GALNT9: variants seen among roughly 807,000 people sequenced by gnomAD.
GALNT9 encodes GalNAc transferase 9.
Under a neutral mutation model 63.1 loss-of-function variants are expected in GALNT9, and 47 were observed. The ratio of observed to expected loss-of-function variants is 0.75; its 90% CI spans 0.59 to 0.95. GALNT9 has a LOEUF of 0.95. Among genes scored for constraint, GALNT9 ranks in the 40% least tolerant of loss-of-function variants. The pLI is 0.00. For synonymous variants in GALNT9, 396 were observed against 365.7 expected (o/e 1.08, Z -0.94); for missense variants, 829 against 874.8 (o/e 0.95, Z 0.66).
chr12:132,306,622 G>T (rs1881624780), intron 1 of GALNT9, among the ~76,000 whole-genome samples: 1 of 152,182 alleles, frequency 6.6e-6, no homozygotes, highest in Non-Finnish European at 1.5e-5. Context: ...AGTGCCATGG[G>T]GCACCCACTT....
intron 1 of GALNT9, among the ~76,000 whole-genome samples, chr12:132,287,486 G>A (rs1159662946): frequency 6.6e-6 from 1 of 152,152 alleles, no homozygotes; most frequent in Non-Finnish European, 1.5e-5. Context: ...TCTGGGGTAG[G>A]AAGAACCGAG....
At chr12:132,275,468 G>C (rs149921737) in intron 2 of GALNT9, 1 of 152,286 alleles carries the variant, frequency 6.6e-6, no homozygotes, top group Non-Finnish European at 1.5e-5. Flanking sequence ...AGAGGAGCAC[G>C]GAGAGCTGGC....
chr12:132,251,700 G>A (rs1370948357), intron 5 of GALNT9, among the ~76,000 whole-genome samples: 1 of 152,176 alleles, frequency 6.6e-6, no homozygotes, highest in Non-Finnish European at 1.5e-5. Context: ...AAGCTGGAGG[G>A]CCCTGGGGAA....
rs1290119989 is a variant in GALNT9 at position 132,296,851 on chromosome 12, G to T, written c.239-10421C>A. Among the ~76,000 whole-genome samples the T allele has an allele frequency of 6.6e-6, 1 of 151,858 alleles. No individual in the cohort carries two copies. On this transcript the variant is annotated intron_variant, in intron 1 of 10. Coordinates refer to ENST00000328957, the MANE Select transcript of GALNT9 (RefSeq NM_001122636.2). The surrounding 1 kb of genome is among the most constrained non-coding windows in gnomAD (Gnocchi z 4.2). ...ACGCATTGGGGGCTGGGCGGGGGGA[G>T]GGTGGAACTCTTCCTTCCATCAGGA...
At chr12:132,221,889 A>G (rs932557259) in intron 6 of GALNT9, among the ~76,000 whole-genome samples, 4 of 152,150 alleles carry the variant, frequency 2.6e-5, no homozygotes, top group African/African-American at 9.7e-5. Context: ...TCAGGTTCAC[A>G]TGGGAGAGTA....
rs146767097 is a variant in GALNT9 at position 132,248,280 on chromosome 12, C to A, written c.960-253G>T. On this transcript the variant is annotated intron_variant, in intron 5 of 10. Transcript: ENST00000328957. ...TGCTGAATGCCAACAGATGACAGAA[C>A]CCGCATTCAATTCAGCTTAGTGTAG... is the stretch of plus-strand genomic sequence containing the variant. 2.0e-3 allele frequency among the ~76,000 whole-genome samples: 304 copies of A among 152,342 alleles called. 1 individual carries two copies. The highest frequency in any genetic ancestry group is 5.9e-3 in the African/African-American group (244 of 41,566).
intron 5 of GALNT9, among the ~76,000 whole-genome samples, chr12:132,251,143 C>T (rs1290480378): frequency 6.6e-6 from 1 of 151,826 alleles, no homozygotes; most frequent in Non-Finnish European, 1.5e-5. Context: ...TGCAGATGTG[C>T]GAGCCACAAA....
At chr12:132,197,466 C>A (rs867348852) in intron 10 of GALNT9, among the ~76,000 whole-genome samples, 1 of 148,792 alleles carries the variant, frequency 6.7e-6, no homozygotes, top group Non-Finnish European at 1.5e-5. Context: ...GCAGGGCTAG[C>A]GGCCCAGGTT....
rs1030590162 is a variant in GALNT9, at chr12:132,327,970, A to C, written c.238+996T>G. 6.6e-6 allele frequency among the ~76,000 whole-genome samples: 1 copy of C among 151,734 alleles called. No homozygotes were observed. Among genetic ancestry groups the C allele is most frequent in the African/African-American group, 2.4e-5 (1 of 41,294 alleles). On this transcript the variant is annotated intron_variant, in intron 1 of 10. Transcript: ENST00000328957. The surrounding 1 kb of genome is among the most constrained non-coding windows in gnomAD (Gnocchi z 4.3). ...CCCAGCTCCCGTCACCTCCCACTCG[A>C]GCCTGTTACGGATGCTTTCTGGAGG...
chr12:132,308,313 A>G (rs1284424743), intron 1 of GALNT9, among the ~76,000 whole-genome samples: 2 of 152,226 alleles, frequency 1.3e-5, no homozygotes, highest in Non-Finnish European at 2.9e-5. Flanking sequence ...GTGTCATTTT[A>G]GGCTGCCCCG....
rs1878706782 is a variant in GALNT9 at position 132,246,348 on chromosome 12, A to G, written c.1077+1562T>C. On this transcript the variant is annotated intron_variant, in intron 6 of 10. Transcript: ENST00000328957. The surrounding 1 kb of genome is among the most constrained non-coding windows in gnomAD (Gnocchi z 4.7). ...GACATCCTTCACAGATCTGGTCTCA[A>G]TTCAATTTATTAAACTAGATATTTT... Among the ~76,000 whole-genome samples the G allele has an allele frequency of 6.6e-6, 1 of 152,216 alleles. No individual in the cohort carries two copies. The highest frequency in any genetic ancestry group is 6.5e-5 in the Admixed American group (1 of 15,280).
chr12:132,264,469 G>T (rs2135546519), intron 2 of GALNT9, among the ~76,000 whole-genome samples: 1 of 152,372 alleles, frequency 6.6e-6, no homozygotes, highest in Admixed American at 6.5e-5. Context: ...GTCAAAACTT[G>T]TCAGTGGGAC....
At chr12:132,203,188 G>A (rs758802992) in intron 7 of GALNT9, among the ~76,000 whole-genome samples, 4 of 152,300 alleles carry the variant, frequency 2.6e-5, no homozygotes, top group African/African-American at 4.8e-5. Context: ...CTGAGGCGGC[G>A]GCACCAGGTT....
intron 1 of GALNT9, among the ~76,000 whole-genome samples, chr12:132,308,921 C>T (rs1472906291): frequency 6.6e-6 from 1 of 152,136 alleles, no homozygotes; most frequent in Admixed American, 6.5e-5. Context: ...TCGGGATGGC[C>T]GCACTGTGAC....
intron 1 of GALNT9, among the ~76,000 whole-genome samples, chr12:132,294,123 T>C (rs1880962281): frequency 6.6e-6 from 1 of 152,238 alleles, no homozygotes; most frequent in African/African-American, 2.4e-5. Context: ...GTGACCACTA[T>C]GGACACATTG....
rs1412662740 is a variant in GALNT9, at chr12:132,246,019, TC to T, written c.1077+1890del. Among the ~76,000 whole-genome samples the T allele has an allele frequency of 6.6e-6, 1 of 152,178 alleles. No individual in the cohort carries two copies. Among genetic ancestry groups the T allele is most frequent in the East Asian group, 1.9e-4 (1 of 5,186 alleles). On this transcript the variant is annotated intron_variant, in intron 6 of 10. Transcript: ENST00000328957. This position sits in a 1 kb window ranked among gnomAD's most constrained non-coding sequence, Gnocchi z 4.7. ...CTCCTCGTCTCTGCGGTGCGTTCCA[TC>T]CCTCTGAGGGCCTCGGCTTTCTTAG... is the stretch of plus-strand genomic sequence containing the variant.
chr12:132,240,656 C>A (rs1166616520), intron 6 of GALNT9: 2 of 454,236 alleles, frequency 4.4e-6, no homozygotes, highest in East Asian at 7.0e-5. Context: ...CTCCTCTTCA[C>A]TCTCTGCCGT....
Position 132,305,511 on chromosome 12 carries a change from G to A in GALNT9, c.239-19081C>T, listed in dbSNP as rs1417709645. Among the ~76,000 whole-genome samples, 26 of 116,938 alleles carry A rather than the reference G, an allele frequency of 2.2e-4. 3 individuals carry two copies. The Middle Eastern group carries it at 0.027, about 120-fold the overall frequency. The allele number at this position is 116,938 out of a possible 152,430, so 76.7% of individuals were successfully genotyped here. A position where few individuals can be genotyped will look rare whatever the true frequency, so the allele number is the denominator to read the frequency against. ...CCCTCACCGGGGCACACCCTCACCC[G>A]GGCACAGCCTCACCCGGGCACACCC... On this transcript the variant is annotated intron_variant, in intron 1 of 10. Coordinates refer to ENST00000328957, the MANE Select transcript of GALNT9 (RefSeq NM_001122636.2).
At chr12:132,324,275 G>A (rs996815253) in intron 1 of GALNT9, among the ~76,000 whole-genome samples, 1 of 152,168 alleles carries the variant, frequency 6.6e-6, no homozygotes, top group African/African-American at 2.4e-5. Context: ...AGGACATTCC[G>A]AGACGCACGC....
Sources: gnomAD v4.1 joint callset for allele counts (sites outside exome capture counted in the v4.1 genomes callset) on GRCh38, gnomAD v4.1.1 for gene constraint, Gnocchi (gnomAD v3.1) non-coding constraint, MANE v1.5 for transcripts, NCBI Gene and HGNC (gene_info 2026-07-23, HGNC 2026-07-21) for gene names.